Variants in CDH19 observed in about 807,000 individuals in gnomAD.
CDH19 encodes the protein cadherin 19.
A neutral mutation model predicts 64.2 loss-of-function variants in CDH19; 67 were observed. The observed-to-expected ratio is 1.04, with a 90% CI of 0.86 to 1.28. The LOEUF (loss-of-function observed/expected upper bound fraction) is 1.28, where lower values mean the gene tolerates loss of function less well. Ranked by LOEUF, CDH19 falls within the 50% of genes most tolerant of loss-of-function variation. The pLI, the probability that CDH19 is intolerant of heterozygous loss-of-function variation, is 0.00. For missense variants in CDH19, 1,030 were observed against 929.0 expected (o/e 1.11, Z -1.41); for synonymous variants, 346 against 319.3 (o/e 1.08, Z -0.89).
chr18:66,573,993 A>C (rs1434934065), intron 1 of CDH19, among the ~76,000 whole-genome samples: 1 of 151,626 alleles, frequency 6.6e-6, no homozygotes, highest in East Asian at 1.9e-4. Flanking sequence ...AAAAAATTTT[A>C]ATATAATAAA....
Position 66,512,827 on chromosome 18 carries a change from T to C in CDH19, c.1459-1142A>G, listed in dbSNP as rs192104477. On this transcript the variant is annotated intron_variant, in intron 9 of 11. Transcript: ENST00000262150. Reference sequence around the variant, plus strand: ...AGGGCAGGGGCTTGGAAACCCAATATTCTGAATCCTGGCTTTGCCATTTAG... The same window carrying C: ...AGGGCAGGGGCTTGGAAACCCAATACTCTGAATCCTGGCTTTGCCATTTAG... 2.6e-5 allele frequency among the ~76,000 whole-genome samples: 4 copies of C among 151,580 alleles called. No individual in the cohort carries two copies. The East Asian group carries it at 7.7e-4, about 29-fold the overall frequency.
chr18:66,522,426 T>G (rs1399440603), intron 9 of CDH19, among the ~76,000 whole-genome samples: 1 of 151,998 alleles, frequency 6.6e-6, no homozygotes, highest in Non-Finnish European at 1.5e-5. Flanking sequence ...AATTTCGTAT[T>G]TTTAGTAGAG....
chr18:66,568,122 A>T (rs1987974593), intron 3 of CDH19, among the ~76,000 whole-genome samples: 1 of 151,846 alleles, frequency 6.6e-6, no homozygotes, highest in African/African-American at 2.4e-5. Context: ...AAATTCTTGT[A>T]CTTAAGAACC....
At chr18:66,507,229 T>A (rs1985246736) in intron 11 of CDH19, among the ~76,000 whole-genome samples, 1 of 151,920 alleles carries the variant, frequency 6.6e-6, no homozygotes, top group Non-Finnish European at 1.5e-5. Context: ...TAATCAAAGA[T>A]CATTAAAAAT....
intron 3 of CDH19, among the ~76,000 whole-genome samples, chr18:66,564,848 T>A (rs2144558544): frequency 7.2e-6 from 1 of 139,660 alleles, no homozygotes; most frequent in Non-Finnish European, 1.5e-5. Flanking sequence ...ATACTACACG[T>A]ATTTTAAATG....
chr18:66,596,302 T>C (rs570323622), intron 1 of CDH19: 1 of 152,182 alleles, frequency 6.6e-6, no homozygotes, highest in East Asian at 1.9e-4. Context: ...GCTGTGGAAG[T>C]CCTAACCAGA....
chr18:66,578,238 A>T (rs928326727), intron 1 of CDH19, among the ~76,000 whole-genome samples: 1 of 152,000 alleles, frequency 6.6e-6, no homozygotes, highest in Non-Finnish European at 1.5e-5. Flanking sequence ...TTTGTTAATT[A>T]TATATCTTGT....
chr18:66,579,134 G>T (rs1273910823), intron 1 of CDH19, among the ~76,000 whole-genome samples: 1 of 151,842 alleles, frequency 6.6e-6, no homozygotes, highest in Non-Finnish European at 1.5e-5. Context: ...GCAGATTATT[G>T]TGCCAATTAT....
rs573281634 is a variant in CDH19 at position 66,538,919 on chromosome 18, C to G, written c.1215-3812G>C. On this transcript the variant is annotated intron_variant, in intron 7 of 11. Coordinates refer to ENST00000262150, the MANE Select transcript of CDH19 (RefSeq NM_021153.4). The stretch of plus-strand genomic sequence containing the variant: ...CCATTTTGGATTAAAAACATACCTG[C>G]TCAGGTATGACCTTATCTTAACTAG... Among the ~76,000 whole-genome samples, 140 of 152,142 alleles carry G rather than the reference C, an allele frequency of 9.2e-4. 2 individuals are homozygous for G. The highest frequency in any genetic ancestry group is 2.9e-3 in the African/African-American group (121 of 41,528).
rs1360444949 is a variant in CDH19, at chr18:66,501,130, A to C, written c.*3682T>G. 1 of 152,158 alleles carries C rather than the reference A, an allele frequency of 6.6e-6. No individual in the cohort carries two copies. The highest frequency in any genetic ancestry group is 1.5e-5 in the Non-Finnish European group (1 of 68,024). The allele number at this position is 152,158 out of a possible 1,614,324, so 9.4% of individuals were successfully genotyped here. On this transcript the variant is annotated 3_prime_UTR_variant, in exon 12 of 12. Transcript: ENST00000262150. ...ATATTAATATTCTATAAAAATAGTC[A>C]ATGGAAACCAAAAGAATTTCTACAA...
intron 5 of CDH19, among the ~76,000 whole-genome samples, chr18:66,550,781 C>G (rs950299911): frequency 6.6e-6 from 1 of 152,086 alleles, no homozygotes; most frequent in Non-Finnish European, 1.5e-5. Flanking sequence ...CTTAAATGAA[C>G]TAGGATCCTA....
At chr18:66,548,409 G>A (rs1414833829) in intron 5 of CDH19, among the ~76,000 whole-genome samples, 2 of 151,574 alleles carry the variant, frequency 1.3e-5, no homozygotes. Context: ...GTCTGGATAA[G>A]ATCATAAAGG....
chr18:66,594,773 C>A (rs1988837659), intron 1 of CDH19, among the ~76,000 whole-genome samples: 6 of 143,550 alleles, frequency 4.2e-5, no homozygotes, highest in Admixed American at 2.2e-4. Flanking sequence ...CCAAACACTG[C>A]ATATTCTCAC....
At chr18:66,568,121 T>G (rs1234890057) in intron 3 of CDH19, among the ~76,000 whole-genome samples, 1 of 151,880 alleles carries the variant, frequency 6.6e-6, no homozygotes, top group Non-Finnish European at 1.5e-5. Context: ...GAAATTCTTG[T>G]ACTTAAGAAC....
intron 3 of CDH19, among the ~76,000 whole-genome samples, chr18:66,565,553 T>C (rs1189328378): frequency 6.6e-6 from 1 of 151,946 alleles, no homozygotes; most frequent in East Asian, 1.9e-4. Flanking sequence ...AAAACTTAAA[T>C]GGCCGTGGAT....
At chr18:66,531,536 T>C (rs8097900) in intron 8 of CDH19, among the ~76,000 whole-genome samples, 2,541 of 152,242 alleles carry the variant, frequency 0.017, 62 homozygotes, top group African/African-American at 0.057. Context: ...GAGAATCGCT[T>C]GAGCAGGAGG....
intron 9 of CDH19, among the ~76,000 whole-genome samples, chr18:66,517,280 TG>T (rs1022071925): frequency 6.6e-6 from 1 of 152,012 alleles, no homozygotes; most frequent in Non-Finnish European, 1.5e-5. Flanking sequence ...AATTTTTACA[TG>T]GAGACAAGGT....
chr18:66,568,287 T>G (rs1194346874), intron 3 of CDH19, 129 bp downstream of exon 3: 1 of 658,712 alleles, frequency 1.5e-6, no homozygotes, highest in Admixed American at 3.2e-5. Context: ...TCAAATATTT[T>G]ACTTAAACAT....
intron 5 of CDH19, among the ~76,000 whole-genome samples, chr18:66,547,678 T>G (rs1987172243): frequency 7.1e-6 from 1 of 140,456 alleles, no homozygotes; most frequent in South Asian, 2.3e-4. Context: ...TTTTTTTTTT[T>G]TTTTTTTGAG....
Sources: gnomAD v4.1 joint callset for allele counts (sites outside exome capture counted in the v4.1 genomes callset) on GRCh38, gnomAD v4.1.1 for gene constraint, MANE v1.5 for transcripts, NCBI Gene and HGNC (gene_info 2026-07-23, HGNC 2026-07-21) for gene names.